MYO18B: variants seen among roughly 807,000 people sequenced by gnomAD.
The protein encoded by MYO18B is myosin XVIIIB, also known as unconventional myosin-XVIIIb.
MYO18B carries 204 observed loss-of-function variants against 273.0 expected under a neutral mutation model. The observed-to-expected ratio is 0.75, with a 90% CI of 0.67 to 0.84. The LOEUF (loss-of-function observed/expected upper bound fraction) is 0.84, where lower values mean the gene tolerates loss of function less well. MYO18B is among the 40% of genes least tolerant of loss of function. The pLI, the probability that MYO18B is intolerant of heterozygous loss-of-function variation, is 0.00. For synonymous variants in MYO18B, 1,330 were observed against 1,305.7 expected, an observed-to-expected ratio of 1.02 and a Z score of -0.40; for missense variants, 3,212 against 3,287.6, an observed-to-expected ratio of 0.98 and a Z score of 0.56.
chr22:25,785,795 C>T lies in MYO18B; in HGVS notation c.2376+304C>T, dbSNP rs187240812. ...GGTGAACCTCAGGCATGGACCTTAA[C>T]CTCCTGGTAGGTCTGTCTCTTCTTC... On this transcript the variant is annotated intron_variant, in intron 11 of 43. Transcript: ENST00000335473. Among the ~76,000 whole-genome samples, 519 of 152,308 alleles carry T rather than the reference C, an allele frequency of 3.4e-3. 6 individuals are homozygous for T. The highest frequency in any genetic ancestry group is 0.012 in the African/African-American group (492 of 41,572).
At chr22:25,988,477 T>G (rs780614664) in intron 39 of MYO18B, among the ~76,000 whole-genome samples, 10 of 152,132 alleles carry the variant, frequency 6.6e-5, no homozygotes, top group Admixed American at 1.3e-4. Flanking sequence ...AACCCTGTCC[T>G]TGGTCCACAT....
chr22:26,001,738 C>A (rs1253820816), intron 40 of MYO18B, among the ~76,000 whole-genome samples: 1 of 152,154 alleles, frequency 6.6e-6, no homozygotes, highest in Admixed American at 6.5e-5. Flanking sequence ...AGATGCCCAG[C>A]ATGATTAGAC....
At chr22:25,759,164 C>A (rs2086221924) in intron 1 of MYO18B, among the ~76,000 whole-genome samples, 1 of 151,942 alleles carries the variant, frequency 6.6e-6, no homozygotes, top group African/African-American at 2.4e-5. Context: ...CAAATAATAC[C>A]CCAATATAAC....
At chr22:25,866,869 G>A (rs2090904831) in intron 21 of MYO18B, among the ~76,000 whole-genome samples, 1 of 151,714 alleles carries the variant, frequency 6.6e-6, no homozygotes, top group Non-Finnish European at 1.5e-5. Context: ...TGTAGATCAG[G>A]CAGGTGAGGT....
intron 23 of MYO18B, among the ~76,000 whole-genome samples, chr22:25,875,510 C>CG (rs936026285): frequency 6.6e-5 from 10 of 150,594 alleles, no homozygotes; most frequent in African/African-American, 2.5e-4. Context: ...TCTGGTCCCC[C>CG]CCCCAGTGAT....
chr22:25,757,123 A>C (rs2086148390), intron 1 of MYO18B, among the ~76,000 whole-genome samples: 1 of 152,204 alleles, frequency 6.6e-6, no homozygotes, highest in South Asian at 2.1e-4. Context: ...GAACACTAGT[A>C]CTTACAAAAG....
chr22:25,812,831 G>A (rs1220286181), intron 12 of MYO18B, among the ~76,000 whole-genome samples: 1 of 152,214 alleles, frequency 6.6e-6, no homozygotes, highest in Non-Finnish European at 1.5e-5. Flanking sequence ...CAGGGACCAA[G>A]GCTCAGAGAA....
chr22:25,746,275 C>A (rs942967664), intron 1 of MYO18B, among the ~76,000 whole-genome samples: 1 of 152,160 alleles, frequency 6.6e-6, no homozygotes, highest in African/African-American at 2.4e-5. Flanking sequence ...TGTTTTTCTG[C>A]CAACAGTGGA....
At chr22:25,755,762 G>A (rs555028136) in intron 1 of MYO18B, among the ~76,000 whole-genome samples, 19 of 152,108 alleles carry the variant, frequency 1.2e-4, no homozygotes, top group Middle Eastern at 3.4e-3. Context: ...TCTGTCTCTC[G>A]CTCCCTCTCT....
At chr22:25,811,113 A>G (rs1203153478) in intron 12 of MYO18B, among the ~76,000 whole-genome samples, 1 of 151,114 alleles carries the variant, frequency 6.6e-6, no homozygotes, top group Non-Finnish European at 1.5e-5. Flanking sequence ...TCCCGGGTTC[A>G]AGGGATTCTC....
At chr22:25,919,957 G>A (rs1373178110) in intron 33 of MYO18B, among the ~76,000 whole-genome samples, 1 of 152,114 alleles carries the variant, frequency 6.6e-6, no homozygotes, top group Non-Finnish European at 1.5e-5. Flanking sequence ...ATCTCAACAC[G>A]AAGGATAGGG....
At chr22:25,825,016 G>GATAT (rs146322754) in intron 13 of MYO18B, among the ~76,000 whole-genome samples, 65 of 151,924 alleles carry the variant, frequency 4.3e-4, no homozygotes, top group Admixed American at 6.5e-4. Context: ...CATGTGCACA[G>GATAT]ATATATATAT....
chr22:25,956,020 TC>T (rs1311031731), intron 39 of MYO18B, among the ~76,000 whole-genome samples: 1 of 152,150 alleles, frequency 6.6e-6, no homozygotes, highest in Non-Finnish European at 1.5e-5. Context: ...GTAGGTGCTA[TC>T]TTGATGTCCC....
intron 40 of MYO18B, among the ~76,000 whole-genome samples, chr22:26,001,990 G>A (rs1933999518): frequency 6.6e-6 from 1 of 152,216 alleles, no homozygotes; most frequent in Admixed American, 6.5e-5. Flanking sequence ...AAATGTAAGT[G>A]AATGGGTGAC....
In MYO18B at chr22:25,823,572, T is replaced by C. The variant is rs2089367570; in HGVS notation, c.2589T>C (p.Tyr863=). Residue 863 remains tyrosine (Y), a synonymous_variant, in exon 13 of 44, where the codon TAT becomes TAC. Coordinates refer to ENST00000335473, the MANE Select transcript of MYO18B (RefSeq NM_032608.7). ...NYAAEALGCE[Y]EELNTATFKH... is the part of the protein sequence containing the mutation. ...CAGCTGAGGCCCTGGGCTGCGAGTA[T>C]GAGGAGCTGAACACGGCCACCTTCA... The C allele has an allele frequency of 2.5e-6, 4 of 1,613,524 alleles. No homozygotes were observed. The highest frequency in any genetic ancestry group is 3.4e-6 in the Non-Finnish European group (4 of 1,179,632).
At chr22:25,990,448 G>T (rs1337422930) in intron 39 of MYO18B, among the ~76,000 whole-genome samples, 1 of 152,076 alleles carries the variant, frequency 6.6e-6, no homozygotes, top group Non-Finnish European at 1.5e-5. Context: ...CACTTTGGGA[G>T]GCCAAGGTGG....
intron 1 of MYO18B, among the ~76,000 whole-genome samples, chr22:25,753,297 C>T (rs966821865): frequency 1.3e-5 from 2 of 152,274 alleles, no homozygotes; most frequent in Admixed American, 6.5e-5. Flanking sequence ...GGACTGTAAA[C>T]GCACCAATCA....
chr22:25,924,862 G>A (rs1187012457), intron 34 of MYO18B, among the ~76,000 whole-genome samples: 1 of 152,216 alleles, frequency 6.6e-6, no homozygotes, highest in African/African-American at 2.4e-5. Flanking sequence ...ATGGCAAGAA[G>A]GGACAAACTT....
At chr22:25,754,725 A>G (rs1419927826) in intron 1 of MYO18B, among the ~76,000 whole-genome samples, 1 of 152,198 alleles carries the variant, frequency 6.6e-6, no homozygotes, top group East Asian at 1.9e-4. Flanking sequence ...TTAAGTCTTG[A>G]CAAAACCTCC....
Sources: allele counts gnomAD v4.1 joint callset (sites outside exome capture counted in the v4.1 genomes callset), GRCh38; gene constraint gnomAD v4.1.1; transcripts MANE v1.5; gene names NCBI Gene and HGNC (gene_info 2026-07-23, HGNC 2026-07-21).